TDRD9: variants seen among roughly 807,000 people sequenced by gnomAD.
TDRD9 encodes tudor domain containing 9.
A neutral mutation model predicts 172.6 loss-of-function variants in TDRD9; 124 were observed. The ratio of observed to expected loss-of-function variants is 0.72; its 90% confidence interval spans 0.62 to 0.83. The LOEUF (loss-of-function observed/expected upper bound fraction) is 0.83. Ranked by LOEUF, TDRD9 falls within the 40% of genes least tolerant of loss-of-function variation. The probability of loss-of-function intolerance (pLI) is 0.00; values close to 1 mark genes in which losing one functional copy is unlikely to be tolerated. For synonymous variants in TDRD9, 619 were observed against 617.1 expected (o/e 1.00, Z -0.05); for missense variants, 1,479 against 1,714.1 (o/e 0.86, Z 2.42).
chr14:103,933,149 G>C lies in TDRD9; in HGVS notation c.215+4425G>C, dbSNP rs180998485. On this transcript the variant is annotated intron_variant, in intron 1 of 35. Coordinates refer to ENST00000409874, the MANE Select transcript of TDRD9 (RefSeq NM_153046.3). The stretch of plus-strand genomic sequence containing the variant: ...ATGGTACTGTATTTTACTCTTTGAT[G>C]GTGATTATTCTTTCTGTTATCCTTA... Among the ~76,000 whole-genome samples the C allele has an allele frequency of 4.1e-3, 617 of 152,304 alleles. 4 individuals carry two copies. Among genetic ancestry groups the C allele is most frequent in the Non-Finnish European group, 7.1e-3 (480 of 68,030 alleles).
At chr14:103,946,394 G>A (rs1011263018) in intron 1 of TDRD9, among the ~76,000 whole-genome samples, 2 of 152,274 alleles carry the variant, frequency 1.3e-5, no homozygotes, top group East Asian at 3.9e-4. Flanking sequence ...AGAAATAGAA[G>A]GAAACTACTA....
chr14:104,008,551 C>A, intron 20 of TDRD9, 85 bp downstream of exon 20: 1 of 896,830 alleles, frequency 1.1e-6, no homozygotes, highest in Non-Finnish European at 1.8e-6. Context: ...TTATTAAGTA[C>A]GTGGGTAGTA....
rs2034084515 is a variant in TDRD9, at chr14:103,997,077, T to A, written c.1378+1270T>A. Among the ~76,000 whole-genome samples, 1 of 152,134 alleles carries A rather than the reference T, an allele frequency of 6.6e-6. No homozygotes were observed. Among genetic ancestry groups the A allele is most frequent in the Admixed American group, 6.5e-5 (1 of 15,270 alleles). ...GGTAGCAGGGGCCATGCAGGGCCCA[T>A]AGGACCTGGTACAACCTTGCTGTGC... On this transcript the variant is annotated intron_variant, in intron 12 of 35. Transcript: ENST00000409874. The surrounding 1 kb of genome is among the most constrained non-coding windows in gnomAD (Gnocchi z 5.1).
intron 1 of TDRD9, among the ~76,000 whole-genome samples, chr14:103,930,701 T>A (rs563607264): frequency 1.3e-5 from 2 of 152,262 alleles, no homozygotes; most frequent in Non-Finnish European, 2.9e-5. Context: ...ACACTTTACT[T>A]CCTTGAGCTA....
At chr14:103,937,783 C>A (rs1045489301) in intron 1 of TDRD9, among the ~76,000 whole-genome samples, 1 of 151,840 alleles carries the variant, frequency 6.6e-6, no homozygotes, top group African/African-American at 2.4e-5. Context: ...TAGCTGGTTC[C>A]TTTCTTGAAT....
At chr14:103,950,288 C>G (rs2031804841) in intron 1 of TDRD9, among the ~76,000 whole-genome samples, 1 of 150,452 alleles carries the variant, frequency 6.6e-6, no homozygotes, top group Admixed American at 6.7e-5. Flanking sequence ...CAGGGTTTCT[C>G]CATGTTGGTT....
intron 28 of TDRD9, among the ~76,000 whole-genome samples, chr14:104,027,237 A>T (rs2035152060): frequency 6.6e-6 from 1 of 152,252 alleles, no homozygotes; most frequent in South Asian, 2.1e-4. Context: ...TTTAGTAGAG[A>T]TAGGGTCTCC....
chr14:103,933,901 T>C (rs1343765492), intron 1 of TDRD9, among the ~76,000 whole-genome samples: 4 of 152,248 alleles, frequency 2.6e-5, no homozygotes, highest in African/African-American at 7.2e-5. Flanking sequence ...AATGGGTGTG[T>C]TGGACTCCAA....
chr14:103,995,329 G>A (rs1185149612), intron 11 of TDRD9, among the ~76,000 whole-genome samples: 1 of 152,140 alleles, frequency 6.6e-6, no homozygotes, highest in Non-Finnish European at 1.5e-5. Flanking sequence ...GGGGGCCTGA[G>A]TTGACAACGT....
intron 2 of TDRD9, among the ~76,000 whole-genome samples, 183 bp from the exon 3 acceptor site, chr14:103,962,896 G>A (rs765815528): frequency 6.6e-6 from 1 of 151,804 alleles, no homozygotes; most frequent in Non-Finnish European, 1.5e-5. Context: ...GGATACCTAT[G>A]TTCGTTCCAT....
intron 9 of TDRD9, among the ~76,000 whole-genome samples, chr14:103,993,124 C>T (rs1292038605): frequency 7.2e-6 from 1 of 138,462 alleles, no homozygotes; most frequent in Non-Finnish European, 1.5e-5. Flanking sequence ...CATGCACCCC[C>T]ATGCCTGGCC....
intron 1 of TDRD9, among the ~76,000 whole-genome samples, chr14:103,951,532 A>C (rs185496512): frequency 1.3e-3 from 201 of 152,336 alleles, no homozygotes; most frequent in African/African-American, 4.2e-3. Flanking sequence ...TTAAATCTGC[A>C]CTTTCTAAAT....
chr14:104,021,663 C>T lies in TDRD9; in HGVS notation c.2433-494C>T, dbSNP rs146941262. Among the ~76,000 whole-genome samples the T allele has an allele frequency of 1.3e-3, 203 of 151,844 alleles. 3 individuals are homozygous for T. In the East Asian group the frequency reaches 0.032, roughly 24 times the overall value. ...AGCCAAGATGACATCCCTGCACTGG[C>T]GACAGAGCGAGACTCCATCTCAAAA... On this transcript the variant is annotated intron_variant, in intron 23 of 35. Transcript: ENST00000409874.
intron 1 of TDRD9, among the ~76,000 whole-genome samples, chr14:103,930,638 G>A (rs558576367): frequency 1.3e-5 from 2 of 152,216 alleles, no homozygotes; most frequent in Admixed American, 6.5e-5. Context: ...AGAGGCATAG[G>A]GGGGACCGAG....
chr14:103,946,561 A>G (rs1404461696), intron 1 of TDRD9, among the ~76,000 whole-genome samples: 1 of 152,208 alleles, frequency 6.6e-6, no homozygotes, highest in African/African-American at 2.4e-5. Context: ...GCAATCAAGG[A>G]AGATTAAGAA....
At chr14:103,944,408 G>A (rs2031446574) in intron 1 of TDRD9, among the ~76,000 whole-genome samples, 1 of 152,086 alleles carries the variant, frequency 6.6e-6, no homozygotes, top group South Asian at 2.1e-4. Context: ...TCATGGACCA[G>A]CTCAAATACC....
At chr14:103,934,745 G>A (rs2030643890) in intron 1 of TDRD9, among the ~76,000 whole-genome samples, 1 of 152,232 alleles carries the variant, frequency 6.6e-6, no homozygotes, top group Non-Finnish European at 1.5e-5. Context: ...TGGCGCCACT[G>A]CACTCCAGCC....
chr14:103,951,419 A>G (rs1162168316), intron 1 of TDRD9, among the ~76,000 whole-genome samples: 2 of 152,214 alleles, frequency 1.3e-5, no homozygotes, highest in Non-Finnish European at 2.9e-5. Context: ...TAATTCCATG[A>G]CTTAAGGTTT....
chr14:104,044,501 AT>A (rs1442705388), intron 34 of TDRD9, among the ~76,000 whole-genome samples: 3 of 152,172 alleles, frequency 2.0e-5, no homozygotes, highest in African/African-American at 7.2e-5. Context: ...GGTACCACTG[AT>A]CTGCTTTCTG....
Sources: allele counts gnomAD v4.1 joint callset (sites outside exome capture counted in the v4.1 genomes callset), GRCh38; gene constraint gnomAD v4.1.1; non-coding constraint Gnocchi (gnomAD v3.1); transcripts MANE v1.5; gene names NCBI Gene and HGNC (gene_info 2026-07-23, HGNC 2026-07-21).